Variants in ACOXL observed in about 807,000 individuals in gnomAD.
ACOXL encodes acyl-coenzyme A oxidase-like protein.
In ACOXL, 70 loss-of-function variants were observed where a neutral mutation model predicts 71.9. That is an observed-to-expected ratio of 0.97 (90% CI 0.80 to 1.19). The LOEUF (loss-of-function observed/expected upper bound fraction) is 1.19. Ranked by LOEUF, ACOXL falls within the 50% of genes most tolerant of loss-of-function variation. The pLI is 0.00. For missense variants in ACOXL, 703 were observed against 736.3 expected (o/e 0.95, Z 0.52); for synonymous variants, 253 against 281.6 (o/e 0.90, Z 1.02).
At chr2:110,907,748 A>G (rs532065573) in intron 10 of ACOXL, among the ~76,000 whole-genome samples, 65 of 152,358 alleles carry the variant, frequency 4.3e-4, no homozygotes, top group African/African-American at 1.5e-3. Context: ...GACTTATGAG[A>G]TGCCTTAAAC....
chr2:111,064,233 G>A (rs1430506307), intron 16 of ACOXL, among the ~76,000 whole-genome samples: 2 of 152,086 alleles, frequency 1.3e-5, no homozygotes, highest in African/African-American at 2.4e-5. Context: ...TCAGGAGATC[G>A]AGACCATCCT....
intron 10 of ACOXL, among the ~76,000 whole-genome samples, chr2:110,877,848 T>C (rs1187588154): frequency 1.3e-5 from 2 of 152,240 alleles, no homozygotes; most frequent in African/African-American, 4.8e-5. Context: ...ATAATGACTC[T>C]GCACCTGAGG....
chr2:110,783,946 G>A (rs551211323), intron 2 of ACOXL, among the ~76,000 whole-genome samples: 1 of 152,358 alleles, frequency 6.6e-6, no homozygotes, highest in Non-Finnish European at 1.5e-5. Flanking sequence ...GTGGAGAAGA[G>A]TGTGTTCGTA....
chr2:111,009,736 G>A (rs2064054761), intron 14 of ACOXL, among the ~76,000 whole-genome samples: 1 of 152,124 alleles, frequency 6.6e-6, no homozygotes, highest in Non-Finnish European at 1.5e-5. Context: ...TTAAAGAGCA[G>A]AACAGAGAAC....
intron 10 of ACOXL, among the ~76,000 whole-genome samples, chr2:110,873,145 A>G (rs1018695761): frequency 2.6e-5 from 4 of 152,138 alleles, no homozygotes; most frequent in Admixed American, 6.5e-5. Flanking sequence ...AAAACTGGGG[A>G]AGTTCTTGTC....
chr2:110,800,459 C>T (rs748158874), intron 7 of ACOXL, among the ~76,000 whole-genome samples: 2 of 152,114 alleles, frequency 1.3e-5, no homozygotes, highest in Non-Finnish European at 2.9e-5. Context: ...TAAAGACTAT[C>T]TTCAAATAAG....
intron 14 of ACOXL, among the ~76,000 whole-genome samples, chr2:111,026,989 C>G (rs1398761128): frequency 6.6e-6 from 1 of 151,540 alleles, no homozygotes; most frequent in Non-Finnish European, 1.5e-5. Flanking sequence ...TTGACCCTCT[C>G]AGGCTCAGGT....
chr2:110,952,391 A>G (rs771623635), intron 12 of ACOXL, among the ~76,000 whole-genome samples: 44 of 152,126 alleles, frequency 2.9e-4, no homozygotes, highest in Non-Finnish European at 5.9e-4. Flanking sequence ...TATTTTTTCA[A>G]ATAATAAGTT....
At chr2:111,003,581 A>AAAAAAAAAAAAAAG (rs1558855365) in intron 14 of ACOXL, among the ~76,000 whole-genome samples, 1 of 147,290 alleles carries the variant, frequency 6.8e-6, no homozygotes, top group African/African-American at 2.6e-5. Flanking sequence ...AAAAAAAAAG[A>AAAAAAAAAAAAAAG]ATCACAGAAC....
chr2:111,035,228 G>A (rs1253393202), intron 15 of ACOXL, among the ~76,000 whole-genome samples: 1 of 152,064 alleles, frequency 6.6e-6, no homozygotes, highest in East Asian at 1.9e-4. Context: ...ATTTTTATTA[G>A]GAACAAATGG....
intron 9 of ACOXL, among the ~76,000 whole-genome samples, chr2:110,811,526 G>A (rs1687311640): frequency 6.6e-6 from 1 of 152,126 alleles, no homozygotes; most frequent in African/African-American, 2.4e-5. Context: ...AAAGCTGACC[G>A]ATGCTCATTC....
intron 15 of ACOXL, among the ~76,000 whole-genome samples, chr2:111,034,849 ATGT>A (rs961302857): frequency 5.9e-5 from 9 of 152,184 alleles, no homozygotes; most frequent in Non-Finnish European, 1.0e-4. Flanking sequence ...CCAGACCCAG[ATGT>A]TGCCTTTGGA....
chr2:111,083,713 C>T (rs1376043330), intron 16 of ACOXL, among the ~76,000 whole-genome samples: 1 of 152,032 alleles, frequency 6.6e-6, no homozygotes, highest in South Asian at 2.1e-4. Flanking sequence ...ACACTCATAC[C>T]AGGCAAGATA....
chr2:110,913,457 A>G (rs959556602), intron 11 of ACOXL, among the ~76,000 whole-genome samples: 1 of 152,250 alleles, frequency 6.6e-6, no homozygotes, highest in Non-Finnish European at 1.5e-5. Context: ...ATGTTATAAC[A>G]TGGATAAACC....
chr2:110,921,416 A>G (rs1411927590), intron 11 of ACOXL, among the ~76,000 whole-genome samples: 5 of 100,610 alleles, frequency 5.0e-5, no homozygotes, highest in Non-Finnish European at 9.0e-5. Context: ...TTTTTGAGGC[A>G]GAGTCTTGCA....
chr2:111,107,256 G>A (rs528501888), intron 17 of ACOXL, among the ~76,000 whole-genome samples: 1 of 152,234 alleles, frequency 6.6e-6, no homozygotes, highest in East Asian at 1.9e-4. Flanking sequence ...GATACATGAG[G>A]CAAAAAGAAA....
In ACOXL at chr2:111,118,095, C is replaced by T; in HGVS notation, c.*279C>T. The T allele has an allele frequency of 1.8e-6, 1 of 542,058 alleles. No individual in the cohort carries two copies. The highest frequency in any genetic ancestry group is 3.3e-6 in the Non-Finnish European group (1 of 304,760). 33.6% of individuals were successfully genotyped at this position (542,058 alleles called of 1,614,324 possible). ...CCTCTCCCAACTTCAGTGCCGGATCCCCTAGACAATCAGGGTGGGCTCCCC... is the reference window on the plus strand; with the variant it reads ...CCTCTCCCAACTTCAGTGCCGGATCTCCTAGACAATCAGGGTGGGCTCCCC... On this transcript the variant is annotated 3_prime_UTR_variant, in exon 18 of 18. Transcript: ENST00000439055.
intron 12 of ACOXL, among the ~76,000 whole-genome samples, chr2:110,956,471 A>G (rs539173016): frequency 9.9e-5 from 15 of 152,260 alleles, no homozygotes; most frequent in African/African-American, 3.1e-4. Flanking sequence ...CCATCACTCC[A>G]CTGGACTCAG....
Position 110,788,382 on chromosome 2 carries a change from T to G in ACOXL, c.159+3567T>G, listed in dbSNP as rs550871582. On this transcript the variant is annotated intron_variant, in intron 3 of 17. Coordinates refer to ENST00000439055, the MANE Select transcript of ACOXL (RefSeq NM_001142807.4). ...ATTATTAAGTGAAGTAAGCCAGACA[T>G]AAGAGGACAAATATTGTATGAGCCT... Among the ~76,000 whole-genome samples, 124 of 152,170 alleles carry G rather than the reference T, an allele frequency of 8.1e-4. 1 individual carries two copies. The highest frequency in any genetic ancestry group is 1.9e-4 in the Non-Finnish European group (13 of 68,040).
Sources: allele counts gnomAD v4.1 joint callset (sites outside exome capture counted in the v4.1 genomes callset), GRCh38; gene constraint gnomAD v4.1.1; transcripts MANE v1.5; gene names NCBI Gene and HGNC (gene_info 2026-07-23, HGNC 2026-07-21).